The following ST3GAL3 variants were observed in gnomAD, a reference collection of about 807,000 sequenced individuals.
ST3GAL3 encodes the protein ST3 beta-galactoside alpha-2,3-sialyltransferase 3, also known as CMP-N-acetylneuraminate-beta-1,4-galactoside alpha-2,3-sialyltransferase.
In ST3GAL3, 21 loss-of-function variants were observed where a neutral mutation model predicts 50.1. The ratio of observed to expected loss-of-function variants is 0.42; its 90% CI spans 0.30 to 0.60. The LOEUF (loss-of-function observed/expected upper bound fraction) is 0.60. ST3GAL3 is among the 20% of genes least tolerant of loss of function. The probability of loss-of-function intolerance (pLI) is 0.19; values close to 1 mark genes in which losing one functional copy is unlikely to be tolerated. For missense variants in ST3GAL3, 353 were observed against 489.4 expected (o/e 0.72, Z 2.63); for synonymous variants, 183 against 190.0 (o/e 0.96, Z 0.30).
chr1:43,806,155 C>T (rs1166680878), intron 3 of ST3GAL3, among the ~76,000 whole-genome samples: 1 of 152,132 alleles, frequency 6.6e-6, no homozygotes, highest in Admixed American at 6.5e-5. Flanking sequence ...GAGCACAGAG[C>T]AGGGGAGACA....
chr1:43,795,413 C>T (rs1394976426), intron 3 of ST3GAL3, among the ~76,000 whole-genome samples: 1 of 152,166 alleles, frequency 6.6e-6, no homozygotes, highest in African/African-American at 2.4e-5. Context: ...CAACACCTAC[C>T]AGCTTCGACA....
chr1:43,744,560 A>C (rs1164491722), intron 2 of ST3GAL3, among the ~76,000 whole-genome samples: 1 of 151,864 alleles, frequency 6.6e-6, no homozygotes. Flanking sequence ...TCTTTAAATA[A>C]ACTTCTCGTT....
At chr1:43,882,775 C>T (rs2075350259) in intron 5 of ST3GAL3, among the ~76,000 whole-genome samples, 1 of 152,074 alleles carries the variant, frequency 6.6e-6, no homozygotes, top group Non-Finnish European at 1.5e-5. Context: ...TAGAAACAGG[C>T]AGCTGGCCTA....
intron 5 of ST3GAL3, among the ~76,000 whole-genome samples, chr1:43,882,182 G>A (rs1164227639): frequency 1.3e-5 from 2 of 152,234 alleles, no homozygotes; most frequent in South Asian, 2.1e-4. Context: ...AGATGCTGCA[G>A]TCCAGTCTTG....
At chr1:43,805,527 ATGT>A (rs533213449) in intron 3 of ST3GAL3, among the ~76,000 whole-genome samples, 1 of 152,228 alleles carries the variant, frequency 6.6e-6, no homozygotes, top group Non-Finnish European at 1.5e-5. Context: ...ATCAGAGAAG[ATGT>A]TGTTCGTTCA....
intron 2 of ST3GAL3, among the ~76,000 whole-genome samples, chr1:43,741,853 G>A (rs1681062880): frequency 6.6e-6 from 1 of 152,204 alleles, no homozygotes; most frequent in African/African-American, 2.4e-5. Flanking sequence ...TCTGAGGACG[G>A]TTTCCCAACC....
At chr1:43,759,242 G>A (rs1689371915) in intron 2 of ST3GAL3, among the ~76,000 whole-genome samples, 1 of 151,488 alleles carries the variant, frequency 6.6e-6, no homozygotes, top group Non-Finnish European at 1.5e-5. Context: ...TCAGGAGATC[G>A]AGACCATCCT....
At chr1:43,741,923 A>G (rs1681091978) in intron 2 of ST3GAL3, among the ~76,000 whole-genome samples, 1 of 152,180 alleles carries the variant, frequency 6.6e-6, no homozygotes, top group African/African-American at 2.4e-5. Flanking sequence ...GAAGAGGCAG[A>G]GGTCAGAGTT....
intron 4 of ST3GAL3, among the ~76,000 whole-genome samples, chr1:43,819,694 T>C (rs1042923549): frequency 6.6e-6 from 1 of 152,196 alleles, no homozygotes; most frequent in African/African-American, 2.4e-5. Flanking sequence ...TATGGTGTGA[T>C]GCTGAGGTTT....
intron 1 of ST3GAL3, among the ~76,000 whole-genome samples, chr1:43,711,641 A>G (rs1049346094): frequency 6.6e-6 from 1 of 152,230 alleles, no homozygotes; most frequent in African/African-American, 2.4e-5. Flanking sequence ...TGGTAGATTC[A>G]GAGTCAAAAC....
intron 1 of ST3GAL3, among the ~76,000 whole-genome samples, chr1:43,718,372 G>A (rs2154068553): frequency 6.6e-6 from 1 of 151,084 alleles, no homozygotes; most frequent in African/African-American, 2.4e-5. Flanking sequence ...TGTATTTTTA[G>A]TAGAGATGGG....
chr1:43,848,147 G>T (rs191221869), intron 5 of ST3GAL3, among the ~76,000 whole-genome samples: 1 of 152,024 alleles, frequency 6.6e-6, no homozygotes, highest in Admixed American at 6.5e-5. Context: ...CTATTTACTT[G>T]CTTCATTCCT....
chr1:43,776,496 G>A (rs1354941510), intron 2 of ST3GAL3, among the ~76,000 whole-genome samples: 1 of 151,958 alleles, frequency 6.6e-6, no homozygotes, highest in Non-Finnish European at 1.5e-5. Context: ...TGATATTTAG[G>A]TTACTTTCAC....
intron 1 of ST3GAL3, among the ~76,000 whole-genome samples, chr1:43,717,500 A>ATTT (rs200100476): frequency 1.4e-5 from 2 of 142,002 alleles, no homozygotes; most frequent in African/African-American, 2.6e-5. Context: ...TTCTTTTCTA[A>ATTT]TTTTTTTTTT....
At chr1:43,805,856 C>G (rs774052147) in intron 3 of ST3GAL3, among the ~76,000 whole-genome samples, 2 of 152,186 alleles carry the variant, frequency 1.3e-5, no homozygotes, top group Non-Finnish European at 2.9e-5. Flanking sequence ...CTGCCTCAGC[C>G]TTCTGAGTAG....
At chr1:43,795,802 C>T (rs554025255) in intron 3 of ST3GAL3, among the ~76,000 whole-genome samples, 1 of 152,160 alleles carries the variant, frequency 6.6e-6, no homozygotes, top group Non-Finnish European at 1.5e-5. Context: ...TTTGAGGACT[C>T]TGAAACATAA....
chr1:43,916,852 G>GCATGAGCTACAA (rs2081899782), intron 9 of ST3GAL3: 1 of 152,060 alleles, frequency 6.6e-6, no homozygotes, highest in South Asian at 2.1e-4. Flanking sequence ...TAGGATTACA[G>GCATGAGCTACAA]GCATGAGCCA....
rs186844419 is a variant in ST3GAL3, at chr1:43,747,911, C to T, written c.118+11531C>T. ...AGGGATTTTTATGGAGGATTCGTTA[C>T]GTATGCAGGATTGACTAAATCACTG... On this transcript the variant is annotated intron_variant, in intron 2 of 11. Coordinates refer to ENST00000347631, the MANE Select transcript of ST3GAL3 (RefSeq NM_006279.5). Among the ~76,000 whole-genome samples, 126 of 152,068 alleles carry T rather than the reference C, an allele frequency of 8.3e-4. 1 individual carries two copies. Among genetic ancestry groups the T allele is most frequent in the South Asian group, 2.7e-3 (13 of 4,814 alleles).
chr1:43,764,380 G>A (rs1279725708), intron 2 of ST3GAL3, among the ~76,000 whole-genome samples: 1 of 152,016 alleles, frequency 6.6e-6, no homozygotes, highest in Non-Finnish European at 1.5e-5. Context: ...GGAAAATATA[G>A]TATTTGGGCT....
Sources: gnomAD v4.1 joint callset for allele counts (sites outside exome capture counted in the v4.1 genomes callset) on GRCh38, gnomAD v4.1.1 for gene constraint, MANE v1.5 for transcripts, NCBI Gene and HGNC (gene_info 2026-07-23, HGNC 2026-07-21) for gene names.